The following ADAMTSL1 variants were observed in gnomAD, a reference collection of about 807,000 sequenced individuals.
ADAMTSL1 encodes the protein ADAMTS-like protein 1.
ADAMTSL1 carries 126 observed loss-of-function variants against 201.8 expected under a neutral mutation model. The ratio of observed to expected loss-of-function variants is 0.62; its 90% CI spans 0.54 to 0.72. ADAMTSL1 has a LOEUF of 0.72. Among genes scored for constraint, ADAMTSL1 ranks in the 30% least tolerant of loss-of-function variants. The pLI, the probability that ADAMTSL1 is intolerant of heterozygous loss-of-function variation, is 0.00. For missense variants in ADAMTSL1, 2,679 were observed against 2,277.8 expected (o/e 1.18, Z -3.59); for synonymous variants, 1,121 against 903.4 (o/e 1.24, Z -4.32).
intron 2 of ADAMTSL1, among the ~76,000 whole-genome samples, chr9:18,164,831 T>C (rs2132098367): frequency 6.6e-6 from 1 of 152,050 alleles, no homozygotes. Flanking sequence ...GAGTGTATCT[T>C]TTGCATATTG....
chr9:18,123,324 A>G (rs1006333421), intron 1 of ADAMTSL1, among the ~76,000 whole-genome samples: 5 of 152,176 alleles, frequency 3.3e-5, no homozygotes, highest in Non-Finnish European at 7.3e-5. Flanking sequence ...AATACAATTT[A>G]TTGTTTGGGT....
intron 15 of ADAMTSL1, among the ~76,000 whole-genome samples, chr9:18,737,753 T>C (rs1818598454): frequency 6.6e-6 from 1 of 152,228 alleles, no homozygotes; most frequent in African/African-American, 2.4e-5. Flanking sequence ...GGCAAATGTA[T>C]TAAGCAACTT....
chr9:18,632,893 T>G lies in ADAMTSL1; in HGVS notation c.602-3050T>G, dbSNP rs866241403. ...GGGCATCAGGAAATACTATTTCACC[T>G]GGTCTACTTTCTCCATATACCCTCT... On this transcript the variant is annotated intron_variant, in intron 5 of 28. Transcript: ENST00000380548. Among the ~76,000 whole-genome samples the G allele has an allele frequency of 3.3e-5, 5 of 152,340 alleles. No homozygotes were observed. In the Middle Eastern group the frequency reaches 0.01, roughly 311 times the overall value.
chr9:18,683,391 A>AT (rs1177980746), intron 12 of ADAMTSL1, among the ~76,000 whole-genome samples: 2 of 139,918 alleles, frequency 1.4e-5, no homozygotes, highest in Admixed American at 1.4e-4. Context: ...TGCCCAGCTA[A>AT]TTTTTTGTAT....
rs188824049 is a variant in ADAMTSL1 at position 18,618,474 on chromosome 9, G to A, written c.475-3769G>A. ...TAGCCCAGGATGTTGTGTGGAGATA[G>A]ACATGTTAATAAACTCAATGTAAGT... On this transcript the variant is annotated intron_variant, in intron 4 of 28. Coordinates refer to ENST00000380548, the MANE Select transcript of ADAMTSL1 (RefSeq NM_001040272.6). 4.0e-5 allele frequency among the ~76,000 whole-genome samples: 6 copies of A among 149,410 alleles called. No individual in the cohort carries two copies. In the South Asian group the frequency reaches 1.3e-3, roughly 31 times the overall value.
At chr9:18,717,097 A>T (rs1832995221) in intron 14 of ADAMTSL1, among the ~76,000 whole-genome samples, 2 of 142,856 alleles carry the variant, frequency 1.4e-5, no homozygotes. Flanking sequence ...GGGTGGGGGG[A>T]CGGGGGAGGG....
chr9:18,097,656 T>C (rs1319747896), intron 1 of ADAMTSL1, among the ~76,000 whole-genome samples: 1 of 152,206 alleles, frequency 6.6e-6, no homozygotes, highest in Admixed American at 6.5e-5. Context: ...TCTCTCATTA[T>C]GGTTCTAGTT....
intron 1 of ADAMTSL1, among the ~76,000 whole-genome samples, chr9:17,983,375 C>T (rs1006674654): frequency 4.6e-5 from 7 of 152,016 alleles, no homozygotes; most frequent in Non-Finnish European, 1.0e-4. Flanking sequence ...GGCCCCTTTT[C>T]AACTTTTAAA....
chr9:18,435,962 G>A (rs1819712813), intron 2 of ADAMTSL1, among the ~76,000 whole-genome samples: 1 of 152,190 alleles, frequency 6.6e-6, no homozygotes, highest in Admixed American at 6.5e-5. Flanking sequence ...GGGTCATGGA[G>A]CCAAACCATA....
chr9:18,631,140 C>A (rs1025143749), intron 5 of ADAMTSL1, among the ~76,000 whole-genome samples: 1 of 152,110 alleles, frequency 6.6e-6, no homozygotes, highest in African/African-American at 2.4e-5. Context: ...CTCTTGGAAT[C>A]AATGAAATAG....
intron 1 of ADAMTSL1, among the ~76,000 whole-genome samples, chr9:18,148,619 G>C (rs1826765045): frequency 6.6e-6 from 1 of 151,932 alleles, no homozygotes; most frequent in Non-Finnish European, 1.5e-5. Context: ...ACTTCTCCCA[G>C]GATATTGATA....
In ADAMTSL1 at chr9:18,866,116, C is replaced by CAAA. The variant is rs76778655; in HGVS notation, c.4250-21703_4250-21701dup. Among the ~76,000 whole-genome samples the CAAA allele has an allele frequency of 5.6e-3, 440 of 78,578 alleles. 81 individuals are homozygous for CAAA. Among genetic ancestry groups the CAAA allele is most frequent in the African/African-American group, 0.029 (393 of 13,602 alleles). 51.6% of individuals were successfully genotyped at this position (78,578 alleles called of 152,430 possible). A position where few individuals can be genotyped will look rare whatever the true frequency, so the allele number is the denominator to read the frequency against. On this transcript the variant is annotated intron_variant, in intron 23 of 28. Transcript: ENST00000380548. ...AGAGAGATTGCTTGCCTTCAAAAAC[C>CAAA]AAAAAAAAAAAAAATGACGGATACT... is the stretch of plus-strand genomic sequence containing the variant.
At chr9:17,976,338 A>C (rs1333546435) in intron 1 of ADAMTSL1, among the ~76,000 whole-genome samples, 2 of 151,966 alleles carry the variant, frequency 1.3e-5, no homozygotes, top group African/African-American at 4.8e-5. Context: ...TAACAGTATT[A>C]AGTCTTCCAA....
intron 7 of ADAMTSL1, among the ~76,000 whole-genome samples, chr9:18,646,777 T>A (rs1008685637): frequency 5.3e-5 from 8 of 152,214 alleles, no homozygotes; most frequent in African/African-American, 1.9e-4. Flanking sequence ...GATGTGCTGC[T>A]GGATTCGGTT....
chr9:17,970,043 G>A (rs1818144031), intron 1 of ADAMTSL1, among the ~76,000 whole-genome samples: 1 of 151,916 alleles, frequency 6.6e-6, no homozygotes, highest in Admixed American at 6.6e-5. Flanking sequence ...TGAACACGTG[G>A]CTAATCTTCA....
At position 18,588,894 on chromosome 9, in the gene ADAMTSL1, T is replaced by TATATATAC. The variant is rs1564072172; in HGVS notation, c.474+14635_474+14636insCATATATA. ...ATATATATACATATACATATATATATATATATATACATATATATACACATT... is the reference window on the plus strand; with the variant it reads ...ATATATATACATATACATATATATATATATATACATATATATACATATATATACACATT... On this transcript the variant is annotated intron_variant, in intron 4 of 28. Transcript: ENST00000380548. Among the ~76,000 whole-genome samples, 23 of 117,484 alleles carry TATATATAC rather than the reference T, an allele frequency of 2.0e-4. No homozygotes were observed. The South Asian group carries it at 2.6e-3, about 13-fold the overall frequency. 77.1% of individuals were successfully genotyped at this position (117,484 alleles called of 152,430 possible). A position where few individuals can be genotyped will look rare whatever the true frequency, so the allele number is the denominator to read the frequency against.
intron 10 of ADAMTSL1, among the ~76,000 whole-genome samples, chr9:18,679,886 A>G (rs754180002): frequency 6.6e-6 from 1 of 152,238 alleles, no homozygotes; most frequent in Non-Finnish European, 1.5e-5. Flanking sequence ...AATAAAAAGT[A>G]TCTGCAGGTG....
intron 1 of ADAMTSL1, among the ~76,000 whole-genome samples, chr9:18,078,126 A>G (rs1823314695): frequency 6.6e-6 from 1 of 152,224 alleles, no homozygotes. Context: ...GGCTGTGTTG[A>G]GAGCCCATTT....
At chr9:17,916,584 T>C (rs888418341) in intron 1 of ADAMTSL1, among the ~76,000 whole-genome samples, 18 of 152,190 alleles carry the variant, frequency 1.2e-4, no homozygotes, top group Admixed American at 5.9e-4. Flanking sequence ...CTTTCTCCAC[T>C]GAATTGTCTT....
Sources: allele counts gnomAD v4.1 joint callset (sites outside exome capture counted in the v4.1 genomes callset), GRCh38; gene constraint gnomAD v4.1.1; transcripts MANE v1.5; gene names NCBI Gene and HGNC (gene_info 2026-07-23, HGNC 2026-07-21).